DOT1L: variants seen among roughly 807,000 people sequenced by gnomAD.
DOT1L encodes the protein histone-lysine N-methyltransferase, H3 lysine-79 specific.
DOT1L carries 33 observed loss-of-function variants against 153.3 expected under a neutral mutation model. That is an observed-to-expected ratio of 0.22 (90% CI 0.16 to 0.29). DOT1L has a LOEUF of 0.29. Ranked by LOEUF, DOT1L falls within the 10% of genes least tolerant of loss-of-function variation. DOT1L has a pLI of 1.00. For synonymous variants in DOT1L, 1,135 were observed against 965.1 expected (o/e 1.18, Z -3.26); for missense variants, 1,847 against 2,119.9 (o/e 0.87, Z 2.53).
chr19:2,220,112 G>C lies in DOT1L; in HGVS notation c.2696G>C (p.Ser899Thr), dbSNP rs1300728561. 2 of 1,605,648 alleles carry C rather than the reference G, an allele frequency of 1.2e-6. No individual in the cohort carries two copies. The highest frequency in any genetic ancestry group is 2.2e-5 in the East Asian group (1 of 44,664). ...CACAGGGTTTTCTCTCTGCAGAGGAGCACCCCCAGTCCCGTGCTGCAGCCC... is the reference window on the plus strand; with the variant it reads ...CACAGGGTTTTCTCTCTGCAGAGGACCACCCCCAGTCCCGTGCTGCAGCCC... ...VLPSRAERAR[S>T]TPSPVLQPRD... Residue 899 changes from serine to threonine, a missense_variant, in exon 23 of 28, where the codon AGC (serine) becomes ACC (threonine). Transcript: ENST00000398665. The surrounding 1 kb of genome is among the most constrained non-coding windows in gnomAD (Gnocchi z 4.5).
At chr19:2,172,325 G>A (rs545000821) in intron 1 of DOT1L, among the ~76,000 whole-genome samples, 11 of 151,790 alleles carry the variant, frequency 7.2e-5, no homozygotes, top group African/African-American at 2.2e-4. Context: ...GAGTAGCTGG[G>A]ACTACAGGCG....
chr19:2,218,586 G>A (rs888651779), intron 22 of DOT1L, among the ~76,000 whole-genome samples: 1 of 151,490 alleles, frequency 6.6e-6, no homozygotes, highest in Admixed American at 6.6e-5. Context: ...GTAGAGATGG[G>A]GTTTCACCGT....
chr19:2,228,268 C>T (rs1157471711), intron 27 of DOT1L: 7 of 1,359,360 alleles, frequency 5.1e-6, no homozygotes, highest in South Asian at 1.1e-5. Flanking sequence ...GCCAGCGCCA[C>T]GGGGCCGTCC....
intron 7 of DOT1L, among the ~76,000 whole-genome samples, chr19:2,195,027 G>T (rs1396523311): frequency 2.0e-5 from 3 of 152,142 alleles, no homozygotes; most frequent in Non-Finnish European, 1.5e-5. Context: ...CTCCCGCCCT[G>T]TTGTGATGCA....
chr19:2,196,036 C>T (rs978117986), intron 7 of DOT1L, among the ~76,000 whole-genome samples: 1 of 152,272 alleles, frequency 6.6e-6, no homozygotes, highest in African/African-American at 2.4e-5. Context: ...GAGGTGCCCT[C>T]TGTGGGCCTG....
chr19:2,198,597 C>A (rs1171415877), intron 7 of DOT1L, among the ~76,000 whole-genome samples: 2 of 152,342 alleles, frequency 1.3e-5, no homozygotes, highest in East Asian at 3.9e-4. Flanking sequence ...CCGTCCCCAT[C>A]CTGAGAGACG....
chr19:2,223,455 C>G lies in DOT1L; in HGVS notation c.3565C>G (p.Pro1189Ala). The part of the protein sequence containing the change: ...HYSPLTSDEE[P>A]GSEDEPSSAR... ...CTCCCCACTCACCTCAGACGAGGAG[C>G]CAGGCTCTGAGGACGAGCCCAGCAG... The change falls in exon 25 of 28, where the codon CCA becomes GCA. Residue 1189 changes from proline (P) to alanine (A), a missense_variant. This residue lies in a region of DOT1L where 934 missense variants were observed against 825.3 expected (regional missense o/e 1.13). Coordinates refer to ENST00000398665, the MANE Select transcript of DOT1L (RefSeq NM_032482.3). 1 of 1,612,774 alleles carries G rather than the reference C, an allele frequency of 6.2e-7. No homozygotes were observed. Among genetic ancestry groups the G allele is most frequent in the Non-Finnish European group, 8.5e-7 (1 of 1,179,880 alleles).
chr19:2,229,281 C>T, intron 27 of DOT1L: 1 of 985,462 alleles, frequency 1.0e-6, no homozygotes. Context: ...CATGGCGTGC[C>T]TGGCGGCGTA....
Position 2,220,335 on chromosome 19 carries a change from C to T in DOT1L, c.2806+113C>T, listed in dbSNP as rs1207385698. The T allele has an allele frequency of 4.7e-6, 5 of 1,069,998 alleles. No individual in the cohort carries two copies. In the East Asian group the frequency reaches 1.3e-4, roughly 28 times the overall value. 66.3% of individuals were successfully genotyped at this position (1,069,998 alleles called of 1,614,324 possible). On this transcript the variant is annotated intron_variant, in intron 23 of 27. Coordinates refer to ENST00000398665, the MANE Select transcript of DOT1L (RefSeq NM_032482.3). The surrounding 1 kb of genome is among the most constrained non-coding windows in gnomAD (Gnocchi z 4.5). The stretch of plus-strand genomic sequence containing the variant: ...GGGCTTCCTGGGGTGATCATGGGGG[C>T]TGCTGCCCCAAACCGCCACGCCTCA...
chr19:2,223,683 G>T (rs932640436), intron 25 of DOT1L, among the ~76,000 whole-genome samples, 197 bp downstream of exon 25: 1 of 152,192 alleles, frequency 6.6e-6, no homozygotes, highest in Non-Finnish European at 1.5e-5. Context: ...CCGGCCTCCC[G>T]GGCCATTCGG....
chr19:2,166,557 A>G (rs887650304), intron 1 of DOT1L, among the ~76,000 whole-genome samples: 2 of 152,032 alleles, frequency 1.3e-5, no homozygotes, highest in Admixed American at 1.3e-4. Flanking sequence ...GATTACTGGC[A>G]TGAGCCACCA....
chr19:2,217,229 T>C lies in DOT1L; in HGVS notation c.2544+139T>C. 7.9e-7 allele frequency: 1 copy of C among 1,263,340 alleles called. No individual in the cohort carries two copies. The highest frequency in any genetic ancestry group is 1.7e-5 in the South Asian group (1 of 60,084). 78.3% of individuals were successfully genotyped at this position (1,263,340 alleles called of 1,614,324 possible). A position where few individuals can be genotyped will look rare whatever the true frequency, so the allele number is the denominator to read the frequency against. On this transcript the variant is annotated intron_variant, in intron 21 of 27. Coordinates refer to ENST00000398665, the MANE Select transcript of DOT1L (RefSeq NM_032482.3). This position sits in a 1 kb window ranked among gnomAD's most constrained non-coding sequence, Gnocchi z 7.3. ...GGGGCTGACCTGGAGTAGGATGTTGTGGCAGAGTTGGGGGCAACCAGTAAG... is the reference window on the plus strand; with the variant it reads ...GGGGCTGACCTGGAGTAGGATGTTGCGGCAGAGTTGGGGGCAACCAGTAAG...
At chr19:2,178,271 G>T (rs190564149) in intron 1 of DOT1L, among the ~76,000 whole-genome samples, 1 of 139,334 alleles carries the variant, frequency 7.2e-6, no homozygotes, top group Non-Finnish European at 1.5e-5. Context: ...TAGAGATGGC[G>T]TTTCACCATG....
At position 2,164,205 on chromosome 19, in the gene DOT1L, G is replaced by A. The variant is rs2019820034; in HGVS notation, c.21G>A (p.Leu7=). Residue 7 remains leucine (L), a synonymous_variant, in exon 1 of 28, where the codon CTG becomes CTA. Coordinates refer to ENST00000398665, the MANE Select transcript of DOT1L (RefSeq NM_032482.3). ...CGGACATGGGGGAGAAGCTGGAGCT[G>A]AGACTGAAGTCGCCCGTGGGGGCTG... MGEKLE[L]RLKSPVGAEP... The A allele has an allele frequency of 7.8e-7, 1 of 1,277,100 alleles. No homozygotes were observed. Among genetic ancestry groups the A allele is most frequent in the Non-Finnish European group, 9.9e-7 (1 of 1,010,164 alleles). 79.1% of individuals were successfully genotyped at this position (1,277,100 alleles called of 1,614,324 possible). A position where few individuals can be genotyped will look rare whatever the true frequency, so the allele number is the denominator to read the frequency against.
chr19:2,221,961 T>C lies in DOT1L; in HGVS notation c.2807-15T>C, dbSNP rs758645491. The C allele has an allele frequency of 6.3e-7, 1 of 1,589,314 alleles. No homozygotes were observed. The highest frequency in any genetic ancestry group is 8.6e-7 in the Non-Finnish European group (1 of 1,167,820). ...CATCCTGTGTCCCCTGAGACCCCCA[T>C]GTCCTTCCCGGCAGGCTTCTCCTAC... On this transcript the variant is annotated splice_polypyrimidine_tract_variant and intron_variant, in intron 23 of 27. Coordinates refer to ENST00000398665, the MANE Select transcript of DOT1L (RefSeq NM_032482.3).
chr19:2,189,093 C>T (rs1048895408), intron 3 of DOT1L, among the ~76,000 whole-genome samples: 2 of 152,184 alleles, frequency 1.3e-5, no homozygotes, highest in African/African-American at 4.8e-5. Flanking sequence ...CCTGCTGTGC[C>T]GTGTCTGACA....
intron 1 of DOT1L, among the ~76,000 whole-genome samples, chr19:2,178,009 G>C (rs1011454036): frequency 3.3e-5 from 5 of 151,138 alleles, no homozygotes; most frequent in Non-Finnish European, 2.9e-5. Context: ...TGCAACCTCT[G>C]CCTCCTGAGT....
chr19:2,181,210 C>T (rs1259139828), intron 2 of DOT1L, among the ~76,000 whole-genome samples: 1 of 152,194 alleles, frequency 6.6e-6, no homozygotes, highest in Non-Finnish European at 1.5e-5. Flanking sequence ...TGCAGGGAGG[C>T]CCTCTGGGTG....
intron 26 of DOT1L, 87 bp downstream of exon 26, chr19:2,225,539 G>T (rs370444359): frequency 2.9e-6 from 4 of 1,366,774 alleles, no homozygotes; most frequent in Non-Finnish European, 4.2e-6. Flanking sequence ...CTGCTGGCCC[G>T]CTGCATCGTG....
Sources: allele counts gnomAD v4.1 joint callset (sites outside exome capture counted in the v4.1 genomes callset), GRCh38; gene constraint gnomAD v4.1.1; regional missense constraint gnomAD v4.1.1; non-coding constraint Gnocchi (gnomAD v3.1); transcripts MANE v1.5; gene names NCBI Gene and HGNC (gene_info 2026-07-23, HGNC 2026-07-21).